Variants in NEK10 observed in about 807,000 individuals in gnomAD.
NEK10 encodes NIMA related kinase 10.
A neutral mutation model predicts 159.8 loss-of-function variants in NEK10; 122 were observed. The observed-to-expected ratio is 0.76, with a 90% CI of 0.66 to 0.89. The LOEUF (loss-of-function observed/expected upper bound fraction) is 0.89. NEK10 is among the 40% of genes least tolerant of loss of function. The pLI is 0.00. For missense variants in NEK10, 1,342 were observed against 1,323.1 expected, an observed-to-expected ratio of 1.01 and a Z score of -0.22; for synonymous variants, 466 against 457.1, an observed-to-expected ratio of 1.02 and a Z score of -0.25.
intron 29 of NEK10, among the ~76,000 whole-genome samples, chr3:27,167,874 G>A (rs1946621500): frequency 6.6e-6 from 1 of 152,186 alleles, no homozygotes; most frequent in Admixed American, 6.5e-5. Context: ...AAACTTTTCT[G>A]AGCAGGCAGG....
At chr3:27,119,518 C>T (rs1356088032) in intron 33 of NEK10, among the ~76,000 whole-genome samples, 1 of 152,134 alleles carries the variant, frequency 6.6e-6, no homozygotes, top group Non-Finnish European at 1.5e-5. Context: ...ACAACTCACC[C>T]ACACAGATTC....
intron 30 of NEK10, among the ~76,000 whole-genome samples, chr3:27,159,782 T>A (rs1454562842): frequency 1.3e-5 from 2 of 151,980 alleles, no homozygotes; most frequent in East Asian, 3.8e-4. Flanking sequence ...GTACTGCTGT[T>A]ATTACCATGA....
intron 5 of NEK10, among the ~76,000 whole-genome samples, chr3:27,322,796 C>T (rs938668118): frequency 6.6e-6 from 1 of 152,170 alleles, no homozygotes; most frequent in South Asian, 2.1e-4. Flanking sequence ...ATAGCAACCA[C>T]TGAAAACTCA....
At chr3:27,346,455 G>C (rs1467262624) in intron 3 of NEK10, among the ~76,000 whole-genome samples, 1 of 152,188 alleles carries the variant, frequency 6.6e-6, no homozygotes, top group Non-Finnish European at 1.5e-5. Context: ...ATATCTGACA[G>C]TTATTTATGT....
chr3:27,256,874 C>T (rs564666656), intron 22 of NEK10, among the ~76,000 whole-genome samples: 49 of 148,796 alleles, frequency 3.3e-4, no homozygotes, highest in African/African-American at 1.2e-3. Context: ...CAATCTTGTA[C>T]TTTTCAAAAT....
chr3:27,282,505 A>G (rs1300983096), intron 22 of NEK10, among the ~76,000 whole-genome samples: 1 of 140,786 alleles, frequency 7.1e-6, no homozygotes, highest in Non-Finnish European at 1.6e-5. Context: ...AGGATTAAAC[A>G]TATTTGTTCT....
chr3:27,144,107 C>T (rs1168515673), intron 30 of NEK10, among the ~76,000 whole-genome samples: 1 of 152,130 alleles, frequency 6.6e-6, no homozygotes. Flanking sequence ...CTCTCTTGCA[C>T]TCTTCCTCCC....
Position 27,332,050 on chromosome 3 carries a change from G to A in NEK10, c.363-9789C>T, listed in dbSNP as rs143200686. On this transcript the variant is annotated intron_variant, in intron 5 of 35. Coordinates refer to ENST00000691995, the MANE Select transcript of NEK10 (RefSeq NM_001394966.1). ...ACCTACACAAAAGTTACAGGCAAAG[G>A]AAGAGGCATATGCTGGTTATTCTAG... is the stretch of plus-strand genomic sequence containing the variant. 4.3e-3 allele frequency among the ~76,000 whole-genome samples: 653 copies of A among 152,300 alleles called. 6 individuals are homozygous for A. The highest frequency in any genetic ancestry group is 0.032 in the South Asian group (153 of 4,820).
intron 6 of NEK10, 85 bp downstream of exon 6, chr3:27,322,092 A>C (rs2045680746): frequency 1.5e-6 from 1 of 682,964 alleles, no homozygotes; most frequent in African/African-American, 1.8e-5. Flanking sequence ...AAAAGTAAAC[A>C]TGGACTACTT....
At chr3:27,159,209 T>C (rs1228138684) in intron 30 of NEK10, among the ~76,000 whole-genome samples, 1 of 152,174 alleles carries the variant, frequency 6.6e-6, no homozygotes, top group Non-Finnish European at 1.5e-5. Flanking sequence ...ATTTCTCAAA[T>C]ATTAGGTAAT....
chr3:27,181,884 T>G (rs1948145963), intron 26 of NEK10, among the ~76,000 whole-genome samples: 1 of 152,160 alleles, frequency 6.6e-6, no homozygotes, highest in African/African-American at 2.4e-5. Flanking sequence ...GTTGCCAAGA[T>G]TCTCCATGTT....
chr3:27,320,618 ATGGT>A (rs2045551392), intron 6 of NEK10, among the ~76,000 whole-genome samples: 1 of 152,312 alleles, frequency 6.6e-6, no homozygotes, highest in East Asian at 1.9e-4. Context: ...ACAGTTCTGT[ATGGT>A]TGGTCACAGG....
At chr3:27,295,761 A>T in intron 14 of NEK10, 71 bp from the exon 15 acceptor site, 16 of 1,443,052 alleles carry the variant, frequency 1.1e-5, no homozygotes, top group Non-Finnish European at 1.4e-5. Flanking sequence ...GAGGCAAATA[A>T]ACAATCTCAA....
intron 23 of NEK10, among the ~76,000 whole-genome samples, chr3:27,204,315 T>TTTG (rs1950323018): frequency 8.8e-6 from 1 of 113,186 alleles, no homozygotes; most frequent in Non-Finnish European, 1.9e-5. Flanking sequence ...TTTTTTTTTT[T>TTTG]TTTTTTATTA....
intron 22 of NEK10, among the ~76,000 whole-genome samples, chr3:27,261,697 C>A (rs1260082168): frequency 1.3e-5 from 2 of 152,152 alleles, no homozygotes; most frequent in African/African-American, 4.8e-5. Context: ...AATGGATATT[C>A]TGTTGATTTG....
chr3:27,204,416 G>C (rs1286558359), intron 23 of NEK10, among the ~76,000 whole-genome samples: 2 of 115,100 alleles, frequency 1.7e-5, no homozygotes, highest in Admixed American at 9.7e-5. Context: ...CCACTAACTC[G>C]TCATCTAGCA....
At chr3:27,152,730 G>T (rs573985028) in intron 30 of NEK10, among the ~76,000 whole-genome samples, 1 of 152,212 alleles carries the variant, frequency 6.6e-6, no homozygotes, top group South Asian at 2.1e-4. Flanking sequence ...CCACAGAATG[G>T]ATCAGAACTC....
At chr3:27,205,775 T>G (rs1170230930) in intron 23 of NEK10, among the ~76,000 whole-genome samples, 1 of 137,080 alleles carries the variant, frequency 7.3e-6, no homozygotes, top group Admixed American at 7.5e-5. Flanking sequence ...ACCTAGGCAT[T>G]ACCATTCAGG....
chr3:27,128,854 A>G (rs1289171116), intron 32 of NEK10, among the ~76,000 whole-genome samples: 1 of 152,270 alleles, frequency 6.6e-6, no homozygotes, highest in East Asian at 1.9e-4. Flanking sequence ...AATCTTGTAC[A>G]GTTCCTGCTC....
Sources: allele counts gnomAD v4.1 joint callset (sites outside exome capture counted in the v4.1 genomes callset), GRCh38; gene constraint gnomAD v4.1.1; transcripts MANE v1.5; gene names NCBI Gene and HGNC (gene_info 2026-07-23, HGNC 2026-07-21).